The following GNAI1 variants were observed in gnomAD, a reference collection of about 807,000 sequenced individuals.
GNAI1 encodes the protein guanine nucleotide-binding protein G(i) subunit alpha-1.
In GNAI1, 11 loss-of-function variants were observed where a neutral mutation model predicts 38.9. The ratio of observed to expected loss-of-function variants is 0.28; its 90% confidence interval spans 0.18 to 0.47. The LOEUF (loss-of-function observed/expected upper bound fraction) is 0.47, where lower values mean the gene tolerates loss of function less well. Ranked by LOEUF, GNAI1 falls within the 20% of genes least tolerant of loss-of-function variation. GNAI1 has a pLI of 0.99. For synonymous variants in GNAI1, 166 were observed against 145.1 expected (o/e 1.14, Z -1.04); for missense variants, 317 against 436.9 (o/e 0.73, Z 2.45).
intron 1 of GNAI1, among the ~76,000 whole-genome samples, chr7:80,147,088 T>G (rs1787635955): frequency 6.6e-6 from 1 of 152,104 alleles, no homozygotes; most frequent in Admixed American, 6.6e-5. Flanking sequence ...CAAGAGTGTT[T>G]TAAGTGGAGT....
At position 80,189,181 on chromosome 7, in the gene GNAI1, A is replaced by G; in HGVS notation, c.253A>G (p.Ile85Val). 6.2e-7 allele frequency: 1 copy of G among 1,608,796 alleles called. No individual in the cohort carries two copies. The change falls in exon 3 of 8, where the codon ATT (isoleucine) becomes GTT (valine). Residue 85 changes from isoleucine to valine, a missense_variant. Around this residue, in one of 5 missense-constraint regions of GNAI1, gnomAD observed 67 missense variants for 61.5 expected, o/e 1.09. Transcript: ENST00000649796. ...SNTIQSIIAIIRAMGRLKIDF... is the reference protein window; with the variant it reads ...SNTIQSIIAIVRAMGRLKIDF... ...CACCATCCAGTCAATTATTGCTATCATTAGGGCTATGGGGAGGTTGAAGAT... is the reference window on the plus strand; with the variant it reads ...CACCATCCAGTCAATTATTGCTATCGTTAGGGCTATGGGGAGGTTGAAGAT...
intron 4 of GNAI1, among the ~76,000 whole-genome samples, chr7:80,200,324 CAA>C (rs59511755): frequency 5.0e-4 from 20 of 40,372 alleles, no homozygotes; most frequent in Admixed American, 1.3e-3. Context: ...GGCCATGTCT[CAA>C]AAAAAAAAAA....
At position 80,141,482 on chromosome 7, in the gene GNAI1, C is replaced by T. The variant is rs565029050; in HGVS notation, c.118+6204C>T. On this transcript the variant is annotated intron_variant, in intron 1 of 7. Transcript: ENST00000649796. ...TTAAATGGAAAGAAAAAAGGAGTCT[C>T]TAGTTTTGAGCACTTTCAAAACTCC... Among the ~76,000 whole-genome samples, 3 of 152,302 alleles carry T rather than the reference C, an allele frequency of 2.0e-5. No individual in the cohort carries two copies. In the South Asian group the frequency reaches 6.2e-4, roughly 32 times the overall value.
In GNAI1 at chr7:80,135,654, C is replaced by CA. The variant is rs1554345573; in HGVS notation, c.118+376_118+377insA. On this transcript the variant is annotated intron_variant, in intron 1 of 7. Coordinates refer to ENST00000649796, the MANE Select transcript of GNAI1 (RefSeq NM_002069.6). ...GCGGCTAGAAAATGAAAACACCCCC[C>CA]CCCCCGCGCCACCAACCCCCTCCCG... 534 of 159,642 alleles carry CA rather than the reference C, an allele frequency of 3.3e-3. 51 individuals are homozygous for CA. Among genetic ancestry groups the CA allele is most frequent in the African/African-American group, 0.014 (472 of 34,718 alleles). 9.9% of individuals were successfully genotyped at this position (159,642 alleles called of 1,614,324 possible). A position where few individuals can be genotyped will look rare whatever the true frequency, so the allele number is the denominator to read the frequency against.
rs971506668 is a variant in GNAI1 at position 80,221,395 on chromosome 7, T to C, written c.*3902T>C. On this transcript the variant is annotated 3_prime_UTR_variant, in exon 8 of 8. Transcript: ENST00000649796. ...TGTTATTTGATTATAAATAATAGTTTTAAGGTGCCTTTAAAATCATAATCA... is the reference window on the plus strand; with the variant it reads ...TGTTATTTGATTATAAATAATAGTTCTAAGGTGCCTTTAAAATCATAATCA... Among the ~76,000 whole-genome samples, 1 of 152,178 alleles carries C rather than the reference T, an allele frequency of 6.6e-6. No homozygotes were observed. The highest frequency in any genetic ancestry group is 2.1e-4 in the South Asian group (1 of 4,826).
At chr7:80,154,147 T>G (rs73378642) in intron 1 of GNAI1, among the ~76,000 whole-genome samples, 14,216 of 152,202 alleles carry the variant, frequency 0.093, 1,868 homozygotes, top group African/African-American at 0.3. Context: ...GGCCTCAAAC[T>G]CCTGTACTCA....
At chr7:80,138,676 GGACATAAGATTT>G (rs1230241776) in intron 1 of GNAI1, among the ~76,000 whole-genome samples, 1 of 152,070 alleles carries the variant, frequency 6.6e-6, no homozygotes, top group Non-Finnish European at 1.5e-5. Context: ...TGTATTTGGA[GGACATAAGATTT>G]GACATACAAA....
In GNAI1 at chr7:80,221,432, AT is replaced by A. The variant is rs1333766285; in HGVS notation, c.*3940del. 6.6e-6 allele frequency among the ~76,000 whole-genome samples: 1 copy of A among 152,120 alleles called. No homozygotes were observed. Among genetic ancestry groups the A allele is most frequent in the East Asian group, 1.9e-4 (1 of 5,182 alleles). ...TAAAATCATAATCAGTGCTTAACAA[AT>A]GGTTGTTGATACGTGCTTTGAATGA... is the stretch of plus-strand genomic sequence containing the variant. On this transcript the variant is annotated 3_prime_UTR_variant, in exon 8 of 8. Transcript: ENST00000649796.
chr7:80,147,434 A>G (rs1180658293), intron 1 of GNAI1, among the ~76,000 whole-genome samples: 8 of 151,464 alleles, frequency 5.3e-5, no homozygotes, highest in East Asian at 3.9e-4. Flanking sequence ...GCCATATGAG[A>G]CATAACTCAG....
intron 1 of GNAI1, among the ~76,000 whole-genome samples, chr7:80,168,695 G>A (rs973386795): frequency 6.6e-6 from 1 of 152,130 alleles, no homozygotes; most frequent in Non-Finnish European, 1.5e-5. Flanking sequence ...TTATTTTTAA[G>A]TGTACAGTTC....
rs1789132096 is a variant in GNAI1 at position 80,224,773 on chromosome 7, T to C, written c.*7280T>C. Among the ~76,000 whole-genome samples, 1 of 152,210 alleles carries C rather than the reference T, an allele frequency of 6.6e-6. No individual in the cohort carries two copies. Among genetic ancestry groups the C allele is most frequent in the East Asian group, 1.9e-4 (1 of 5,200 alleles). On this transcript the variant is annotated 3_prime_UTR_variant, in exon 8 of 8. Transcript: ENST00000649796. ...AAAACGTAGCTAGTCCAAAGTGAGT[T>C]GGCCTATTAGTGTAAAATACAAGAG...
intron 4 of GNAI1, among the ~76,000 whole-genome samples, chr7:80,203,337 A>C (rs532456661): frequency 6.6e-6 from 1 of 152,316 alleles, no homozygotes; most frequent in Non-Finnish European, 1.5e-5. Context: ...GATCATAAAC[A>C]CAGTGCTATA....
chr7:80,141,594 C>G (rs1195158491), intron 1 of GNAI1, among the ~76,000 whole-genome samples: 1 of 152,136 alleles, frequency 6.6e-6, no homozygotes, highest in Admixed American at 6.5e-5. Context: ...GGGAGTCATC[C>G]TTCTTTTCTA....
intron 1 of GNAI1, chr7:80,135,872 A>G: frequency 1.0e-6 from 1 of 985,366 alleles, no homozygotes; most frequent in Non-Finnish European, 1.2e-6. Flanking sequence ...CCCTGCGCTG[A>G]GAAAAGGCTG....
intron 1 of GNAI1, among the ~76,000 whole-genome samples, chr7:80,186,023 CTTTTTTTT>C (rs533371119): frequency 3.9e-5 from 4 of 103,514 alleles, no homozygotes; most frequent in Non-Finnish European, 5.6e-5. Flanking sequence ...CATCCGCACT[CTTTTTTTT>C]TTTTTTTTTT....
intron 7 of GNAI1, 66 bp from the exon 8 acceptor site, chr7:80,217,237 A>ACTTCAGTGTCATATGTATGAAACTGT: frequency 9.6e-7 from 1 of 1,037,958 alleles, no homozygotes. Context: ...TATGAAACTG[A>ACTTCAGTGTCATATGTATGAAACTGT]ATTCAGTATT....
In GNAI1 at chr7:80,171,431, A is replaced by G. The variant is rs1788096625; in HGVS notation, c.119-17520A>G. ...TGGCAAAGACAGCTGACGAAGAAAA[A>G]TATTGAAGGCTTGTCTTTTATTGAT... On this transcript the variant is annotated intron_variant, in intron 1 of 7. Transcript: ENST00000649796. 2.0e-5 allele frequency among the ~76,000 whole-genome samples: 3 copies of G among 152,188 alleles called. No individual in the cohort carries two copies. The South Asian group carries it at 6.2e-4, about 32-fold the overall frequency.
At chr7:80,200,149 C>T (rs888196488) in intron 4 of GNAI1, among the ~76,000 whole-genome samples, 3 of 151,224 alleles carry the variant, frequency 2.0e-5, no homozygotes, top group African/African-American at 7.3e-5. Context: ...GACCTCCCCC[C>T]ACCATCTCTA....
At chr7:80,141,539 G>C (rs1333225021) in intron 1 of GNAI1, among the ~76,000 whole-genome samples, 4 of 152,132 alleles carry the variant, frequency 2.6e-5, no homozygotes, top group Non-Finnish European at 5.9e-5. Flanking sequence ...ATAGTTCTCT[G>C]TGACTCTTTA....
Sources: gnomAD v4.1 joint callset for allele counts (sites outside exome capture counted in the v4.1 genomes callset) on GRCh38, gnomAD v4.1.1 for gene constraint, gnomAD v4.1.1 regional missense constraint, MANE v1.5 for transcripts, NCBI Gene and HGNC (gene_info 2026-07-23, HGNC 2026-07-21) for gene names.